The following BMPR1B variants were observed in gnomAD, a reference collection of about 807,000 sequenced individuals.
BMPR1B encodes the protein bone morphogenetic protein receptor type-1B.
BMPR1B carries 12 observed loss-of-function variants against 59.1 expected under a neutral mutation model. The ratio of observed to expected loss-of-function variants is 0.20; its 90% CI spans 0.13 to 0.33. BMPR1B has a LOEUF of 0.33. BMPR1B is among the 10% of genes least tolerant of loss of function. The pLI is 1.00. For missense variants in BMPR1B, 550 were observed against 610.9 expected (o/e 0.90, Z 1.05); for synonymous variants, 237 against 207.3 (o/e 1.14, Z -1.23).
chr4:95,140,418 G>A (rs577058884), intron 10 of BMPR1B, among the ~76,000 whole-genome samples: 4 of 152,126 alleles, frequency 2.6e-5, no homozygotes, highest in Admixed American at 1.3e-4. Context: ...TTTCTTTTGC[G>A]AAACTGAGCT....
chr4:95,120,131 G>T (rs1464741376), intron 6 of BMPR1B, among the ~76,000 whole-genome samples: 1 of 152,098 alleles, frequency 6.6e-6, no homozygotes, highest in Non-Finnish European at 1.5e-5. Flanking sequence ...TTAGTTTTCT[G>T]TTCCTTCATT....
At chr4:94,935,757 A>G (rs1038866231) in intron 2 of BMPR1B, among the ~76,000 whole-genome samples, 2 of 152,246 alleles carry the variant, frequency 1.3e-5, no homozygotes, top group African/African-American at 4.8e-5. Context: ...AGAATATACA[A>G]GATTCATATT....
intron 1 of BMPR1B, among the ~76,000 whole-genome samples, chr4:94,786,813 G>A (rs1439475097): frequency 6.6e-6 from 1 of 152,066 alleles, no homozygotes; most frequent in Non-Finnish European, 1.5e-5. Context: ...CAAAGTGCTG[G>A]GATTACAGGC....
chr4:95,009,936 G>T (rs957658936), intron 3 of BMPR1B, among the ~76,000 whole-genome samples: 5 of 152,178 alleles, frequency 3.3e-5, no homozygotes, highest in African/African-American at 1.2e-4. Context: ...CCAAAAGATG[G>T]CATAGTACAA....
intron 1 of BMPR1B, among the ~76,000 whole-genome samples, chr4:94,857,082 T>G (rs12509191): frequency 0.76 from 115,016 of 151,954 alleles, 43,725 homozygotes; most frequent in African/African-American, 0.79. Flanking sequence ...CTCTTTCAGA[T>G]TTCAAGAGAA....
Position 95,131,483 on chromosome 4 carries a change from T to G in BMPR1B, c.1047T>G (p.Ala349=). 1.2e-6 allele frequency: 2 copies of G among 1,614,116 alleles called. No individual in the cohort carries two copies. Among genetic ancestry groups the G allele is most frequent in the Admixed American group, 3.3e-5 (2 of 60,002 alleles). Residue 349 remains alanine (A), a synonymous_variant, in exon 10 of 13, where the codon GCT becomes GCG. Coordinates refer to ENST00000515059, the MANE Select transcript of BMPR1B (RefSeq NM_001203.3). The part of the protein sequence containing the change: ...LVKKNGTCCI[A]DLGLAVKFIS... ...AGAAAAATGGAACTTGCTGTATTGC[T>G]GACCTGGGCCTGGCTGTTAAATTTA...
At chr4:94,905,607 A>T (rs1728006430) in intron 2 of BMPR1B, among the ~76,000 whole-genome samples, 1 of 151,810 alleles carries the variant, frequency 6.6e-6, no homozygotes, top group Admixed American at 6.6e-5. Context: ...AAATTTCATT[A>T]TGTATTGTAC....
intron 1 of BMPR1B, among the ~76,000 whole-genome samples, chr4:94,762,022 G>A (rs1197215445): frequency 6.6e-6 from 1 of 152,160 alleles, no homozygotes; most frequent in Non-Finnish European, 1.5e-5. Flanking sequence ...TAGACAAAAA[G>A]GACATTTTGT....
intron 2 of BMPR1B, among the ~76,000 whole-genome samples, chr4:94,896,761 C>A (rs1007367487): frequency 6.6e-6 from 1 of 151,814 alleles, no homozygotes; most frequent in African/African-American, 2.4e-5. Flanking sequence ...AAATTATTGG[C>A]TCTTAGAATA....
chr4:95,045,106 G>A (rs1378950272), intron 3 of BMPR1B, among the ~76,000 whole-genome samples: 1 of 152,032 alleles, frequency 6.6e-6, no homozygotes, highest in Non-Finnish European at 1.5e-5. Flanking sequence ...CCTGTGTGTT[G>A]GAACAGAAGT....
At chr4:94,944,874 G>A (rs985213570) in intron 2 of BMPR1B, among the ~76,000 whole-genome samples, 3 of 152,056 alleles carry the variant, frequency 2.0e-5, no homozygotes, top group Non-Finnish European at 2.9e-5. Context: ...GCTTTTTTCC[G>A]TGACATCATT....
At chr4:94,853,690 G>A (rs533569987) in intron 1 of BMPR1B, among the ~76,000 whole-genome samples, 2 of 152,070 alleles carry the variant, frequency 1.3e-5, no homozygotes, top group Admixed American at 6.6e-5. Flanking sequence ...GGTCAGACTA[G>A]CAGCACATGC....
chr4:95,108,520 A>G (rs943169108), intron 4 of BMPR1B, among the ~76,000 whole-genome samples: 18 of 152,052 alleles, frequency 1.2e-4, no homozygotes, highest in Non-Finnish European at 2.4e-4. Flanking sequence ...TCACATGCTA[A>G]TTTAGAGGAC....
intron 3 of BMPR1B, among the ~76,000 whole-genome samples, chr4:95,058,293 T>G (rs973241076): frequency 6.6e-6 from 1 of 152,282 alleles, no homozygotes; most frequent in Non-Finnish European, 1.5e-5. Flanking sequence ...CAGAGGAAAA[T>G]TAATGTACAT....
chr4:95,131,994 C>G (rs1000054980), intron 10 of BMPR1B, among the ~76,000 whole-genome samples: 2 of 152,174 alleles, frequency 1.3e-5, no homozygotes, highest in Admixed American at 6.5e-5. Context: ...AATTTAACAT[C>G]TGTGCACATA....
chr4:94,887,029 G>T (rs1475708543), intron 2 of BMPR1B, among the ~76,000 whole-genome samples: 1 of 152,034 alleles, frequency 6.6e-6, no homozygotes, highest in Non-Finnish European at 1.5e-5. Flanking sequence ...TGCTTTTCAG[G>T]GAGGGGATAA....
intron 6 of BMPR1B, among the ~76,000 whole-genome samples, chr4:95,117,510 C>T (rs1040513264): frequency 1.3e-4 from 20 of 151,928 alleles, no homozygotes; most frequent in African/African-American, 4.6e-4. Flanking sequence ...GGGCTGGGCA[C>T]AGTGGCTCAC....
At chr4:94,984,316 A>C (rs1321152517) in intron 2 of BMPR1B, among the ~76,000 whole-genome samples, 5 of 152,210 alleles carry the variant, frequency 3.3e-5, no homozygotes, top group Non-Finnish European at 5.9e-5. Flanking sequence ...GCATTTTAAA[A>C]TGTAGCTTTT....
intron 3 of BMPR1B, among the ~76,000 whole-genome samples, chr4:95,094,669 C>T (rs534228034): frequency 3.6e-4 from 55 of 152,220 alleles, no homozygotes; most frequent in Non-Finnish European, 4.0e-4. Flanking sequence ...AAGTCACTTG[C>T]TAAGCCATTT....
Sources: allele counts gnomAD v4.1 joint callset (sites outside exome capture counted in the v4.1 genomes callset), GRCh38; gene constraint gnomAD v4.1.1; transcripts MANE v1.5; gene names NCBI Gene and HGNC (gene_info 2026-07-23, HGNC 2026-07-21).